ASAP3: variants seen among roughly 807,000 people sequenced by gnomAD.
ASAP3 encodes the protein arf-GAP with SH3 domain, ANK repeat and PH domain-containing protein 3.
In ASAP3, 85 loss-of-function variants were observed where a neutral mutation model predicts 118.2. The observed-to-expected ratio is 0.72, with a 90% CI of 0.60 to 0.86. The LOEUF (loss-of-function observed/expected upper bound fraction) is 0.86. Among genes scored for constraint, ASAP3 ranks in the 40% least tolerant of loss-of-function variants. The pLI is 0.00. For missense variants in ASAP3, 1,026 were observed against 1,175.0 expected, an observed-to-expected ratio of 0.87 and a Z score of 1.85; for synonymous variants, 432 against 477.4, an observed-to-expected ratio of 0.90 and a Z score of 1.24.
Position 23,434,606 on chromosome 1 carries a change from G to C in ASAP3, c.1762C>G (p.Leu588Val). The change falls in exon 18 of 25, where the codon CTC becomes GTC. Residue 588 changes from leucine (L) to valine (V), a missense_variant. Transcript: ENST00000336689. ...ACTTTGACAGCCAAATGCAAGACGA[G>C]TTCTTCAGGTGCCTGAAAACACATC... Reference protein sequence around the residue: ...PGPDAQAPEELVLHLAVKVAN... With the variant: ...PGPDAQAPEEVVLHLAVKVAN... The C allele has an allele frequency of 6.2e-7, 1 of 1,614,032 alleles. No homozygotes were observed. Among genetic ancestry groups the C allele is most frequent in the Non-Finnish European group, 8.5e-7 (1 of 1,180,016 alleles).
rs1407664018 is a variant in ASAP3 at position 23,431,701 on chromosome 1, T to A, written c.2541A>T (p.Arg847Ser). ...TTPSEMYLPV[R>S]FSSESTRSYR... ...ACAGCTGGGCCCTCACCAACCTGAA[T>A]CTGACGGGGAGGTACATCTCCGAAG... Residue 847 changes from arginine (R) to serine (S), a missense_variant, in exon 23 of 25, where the codon AGA (arginine) becomes AGT (serine). Arg to Ser is a moderately radical substitution (Grantham distance 110). Transcript: ENST00000336689. The A allele has an allele frequency of 6.6e-7, 1 of 1,524,180 alleles. No homozygotes were observed. Among genetic ancestry groups the A allele is most frequent in the East Asian group, 2.3e-5 (1 of 43,380 alleles). The allele number at this position is 1,524,180 out of a possible 1,614,324, so 94.4% of individuals were successfully genotyped here. A position where few individuals can be genotyped will look rare whatever the true frequency, so the allele number is the denominator to read the frequency against.
chr1:23,473,121 T>C (rs1403934171), intron 1 of ASAP3, among the ~76,000 whole-genome samples: 1 of 152,086 alleles, frequency 6.6e-6, no homozygotes, highest in African/African-American at 2.4e-5. Flanking sequence ...AGGCATTCAG[T>C]AAATATGGCT....
At position 23,441,372 on chromosome 1, in the gene ASAP3, A is replaced by G; in HGVS notation, c.834+15T>C. ...TGGGGGAGGGCATTCCTTTTGGGAT[A>G]GTTCAGGGGCTGACCTCTCTGCTCT... On this transcript the variant is annotated intron_variant, in intron 9 of 24. Coordinates refer to ENST00000336689, the MANE Select transcript of ASAP3 (RefSeq NM_017707.4). The G allele has an allele frequency of 1.2e-6, 2 of 1,613,694 alleles. No homozygotes were observed. The highest frequency in any genetic ancestry group is 4.5e-5 in the East Asian group (2 of 44,864).
chr1:23,451,971 G>C (rs1641230165), intron 4 of ASAP3, among the ~76,000 whole-genome samples: 1 of 152,182 alleles, frequency 6.6e-6, no homozygotes, highest in Admixed American at 6.5e-5. Flanking sequence ...AAGGGTACAG[G>C]TCAAGGAACA....
intron 1 of ASAP3, among the ~76,000 whole-genome samples, chr1:23,472,753 G>A (rs1642000229): frequency 6.6e-6 from 1 of 152,154 alleles, no homozygotes; most frequent in South Asian, 2.1e-4. Context: ...TGTGTTTACA[G>A]TAAGAGGGAA....
intron 1 of ASAP3, among the ~76,000 whole-genome samples, chr1:23,477,735 A>T (rs943284925): frequency 7.9e-5 from 12 of 152,264 alleles, no homozygotes; most frequent in Middle Eastern, 6.8e-3. Context: ...TGTTTTGGAG[A>T]CAGGGTCTTG....
In ASAP3 at chr1:23,462,753, C is replaced by T. The variant is rs1172742034; in HGVS notation, c.130-6559G>A. On this transcript the variant is annotated intron_variant, in intron 1 of 24. Coordinates refer to ENST00000336689, the MANE Select transcript of ASAP3 (RefSeq NM_017707.4). The stretch of plus-strand genomic sequence containing the variant: ...CAGCCAGGAGGGCAGTGTGAGACTC[C>T]GTCTCAAAAAACAAACAAAAAAGAC... Among the ~76,000 whole-genome samples, 6 of 151,986 alleles carry T rather than the reference C, an allele frequency of 3.9e-5. No individual in the cohort carries two copies. In the East Asian group the frequency reaches 9.7e-4, roughly 24 times the overall value.
intron 5 of ASAP3, among the ~76,000 whole-genome samples, chr1:23,444,209 A>G (rs1345052188): frequency 6.6e-6 from 1 of 152,102 alleles, no homozygotes; most frequent in Non-Finnish European, 1.5e-5. Flanking sequence ...AGCGCTTCCC[A>G]TCCTTGTAGC....
chr1:23,456,171 G>T lies in ASAP3; in HGVS notation c.153C>A (p.Ile51=). The part of the protein sequence containing the change: ...REEILEGDQA[I]LQRIKKAVRA... ...GCACAGCCTTCTTTATTCTCTGCAG[G>T]ATGGCTTGGTCTCCTTCCAAGATCT... The change falls in exon 2 of 25, where the codon ATC becomes ATA. Residue 51 remains isoleucine (I), a synonymous_variant. Transcript: ENST00000336689. 1 of 1,614,150 alleles carries T rather than the reference G, an allele frequency of 6.2e-7. No individual in the cohort carries two copies. Among genetic ancestry groups the T allele is most frequent in the Non-Finnish European group, 8.5e-7 (1 of 1,180,018 alleles).
chr1:23,443,125 A>G (rs1640931073), intron 5 of ASAP3, among the ~76,000 whole-genome samples: 1 of 152,232 alleles, frequency 6.6e-6, no homozygotes, highest in Non-Finnish European at 1.5e-5. Context: ...GACTCAAACA[A>G]GGGCCAAGTG....
At chr1:23,482,055 C>A (rs889445907) in intron 1 of ASAP3, among the ~76,000 whole-genome samples, 2 of 152,106 alleles carry the variant, frequency 1.3e-5, no homozygotes, top group Admixed American at 6.6e-5. Flanking sequence ...CAAATCTGAC[C>A]GGCTGCTTCT....
At chr1:23,477,807 G>A (rs1642181618) in intron 1 of ASAP3, among the ~76,000 whole-genome samples, 1 of 152,142 alleles carries the variant, frequency 6.6e-6, no homozygotes, top group African/African-American at 2.4e-5. Context: ...TCAATCTCCT[G>A]GGCTCAAGTG....
chr1:23,437,316 C>T lies in ASAP3; in HGVS notation c.1156G>A (p.Val386Met). The stretch of plus-strand genomic sequence containing the variant: ...TCCTTGCTGTTCTGCAACACTGACA[C>T]CCACCTGCGGAGATTGAACGGGGTG... ...AEDEHECEAW[V>M]SVLQNSKDEA... is the part of the protein sequence containing the mutation. Residue 386 changes from valine to methionine, a missense_variant, in exon 14 of 25, where the codon GTG becomes ATG. Val to Met is a conservative substitution (Grantham distance 21, BLOSUM62 1). Coordinates refer to ENST00000336689, the MANE Select transcript of ASAP3 (RefSeq NM_017707.4). The surrounding 1 kb of genome is among the most constrained non-coding windows in gnomAD (Gnocchi z 6.1). The T allele has an allele frequency of 1.2e-6, 2 of 1,610,042 alleles. No homozygotes were observed. The highest frequency in any genetic ancestry group is 1.7e-6 in the Non-Finnish European group (2 of 1,177,762).
chr1:23,455,978 C>T lies in ASAP3; in HGVS notation c.251G>A (p.Gly84Asp). 6.2e-7 allele frequency: 1 copy of T among 1,614,088 alleles called. No individual in the cohort carries two copies. The highest frequency in any genetic ancestry group is 8.5e-7 in the Non-Finnish European group (1 of 1,180,034). ...EQYREAVESL[G>D]NSHLSQNSHE... Reference sequence around the variant, plus strand: ...GCTGTTCTGGGACAGGTGGCTGTTGCCTAAGGATTCCACGGCCTCTCGGTA... The same window carrying T: ...GCTGTTCTGGGACAGGTGGCTGTTGTCTAAGGATTCCACGGCCTCTCGGTA... The change falls in exon 3 of 25, where the codon GGC (glycine) becomes GAC (aspartate). Residue 84 changes from glycine (G) to aspartate (D), a missense_variant. Physicochemically the swap from Gly to Asp is moderately conservative, Grantham distance 94. Transcript: ENST00000336689.
chr1:23,483,291 T>A (rs1252915241), intron 1 of ASAP3, among the ~76,000 whole-genome samples: 1 of 152,152 alleles, frequency 6.6e-6, no homozygotes, highest in African/African-American at 2.4e-5. Context: ...GGGGTGTCTG[T>A]CCTAGAATAT....
intron 1 of ASAP3, among the ~76,000 whole-genome samples, chr1:23,475,203 G>C (rs1404340822): frequency 6.6e-6 from 1 of 152,104 alleles, no homozygotes; most frequent in East Asian, 1.9e-4. Flanking sequence ...TTTGAATCAG[G>C]AGCACAGTGG....
At chr1:23,477,281 G>A (rs1642161085) in intron 1 of ASAP3, among the ~76,000 whole-genome samples, 1 of 148,540 alleles carries the variant, frequency 6.7e-6, no homozygotes, top group Admixed American at 6.9e-5. Context: ...GGAGGCTGAG[G>A]CAGGAGAATC....
At position 23,436,720 on chromosome 1, in the gene ASAP3, A is replaced by C; in HGVS notation, c.1477-66T>G. Reference sequence around the variant, plus strand: ...GGGCGGTTAAGCCTGCATAGGGTGGAGCTCCAAGCCCCCAGAGTCCCGCCC... The same window carrying C: ...GGGCGGTTAAGCCTGCATAGGGTGGCGCTCCAAGCCCCCAGAGTCCCGCCC... On this transcript the variant is annotated intron_variant, in intron 15 of 24. Coordinates refer to ENST00000336689, the MANE Select transcript of ASAP3 (RefSeq NM_017707.4). The surrounding 1 kb of genome is among the most constrained non-coding windows in gnomAD (Gnocchi z 4.2). 6.3e-7 allele frequency: 1 copy of C among 1,598,084 alleles called. No homozygotes were observed. The highest frequency in any genetic ancestry group is 8.6e-7 in the Non-Finnish European group (1 of 1,166,724).
At chr1:23,454,185 A>C (rs946277328) in intron 3 of ASAP3, among the ~76,000 whole-genome samples, 3 of 100,076 alleles carry the variant, frequency 3.0e-5, no homozygotes, top group Non-Finnish European at 6.3e-5. Flanking sequence ...CACACCTGGC[A>C]TTTTTTTTTT....
Sources: allele counts gnomAD v4.1 joint callset (sites outside exome capture counted in the v4.1 genomes callset), GRCh38; gene constraint gnomAD v4.1.1; non-coding constraint Gnocchi (gnomAD v3.1); transcripts MANE v1.5; gene names NCBI Gene and HGNC (gene_info 2026-07-23, HGNC 2026-07-21).